The following MIR17HG variants were observed in gnomAD, a reference collection of about 807,000 sequenced individuals.
MIR17HG encodes miR-17-92a-1 cluster host gene.
intron 1 of MIR17HG, among the ~76,000 whole-genome samples, chr13:91,349,509 AC>A (rs1875176624): frequency 1.3e-5 from 2 of 152,164 alleles, no homozygotes; most frequent in South Asian, 4.1e-4. Flanking sequence ...TTATTCTCTT[AC>A]GTATTTTTCA....
intron 1 of MIR17HG, among the ~76,000 whole-genome samples, chr13:91,348,864 C>T (rs1217078425): frequency 6.7e-6 from 1 of 149,122 alleles, no homozygotes; most frequent in Non-Finnish European, 1.5e-5. Context: ...CGGCTTAGGC[C>T]TCGGGCCGCG....
At chr13:91,349,150 C>T (rs1330288692) in intron 1 of MIR17HG, among the ~76,000 whole-genome samples, 3 of 152,014 alleles carry the variant, frequency 2.0e-5, no homozygotes, top group Non-Finnish European at 4.4e-5. Context: ...GCTCCATGAG[C>T]GTGGCGGGCA....
chr13:91,348,485 G>T (rs1488978315), intron 1 of MIR17HG, among the ~76,000 whole-genome samples: 6 of 151,482 alleles, frequency 4.0e-5, no homozygotes, highest in African/African-American at 1.4e-4. Flanking sequence ...CTGCGCGCCA[G>T]CGGGCGGCGT....
intron 1 of MIR17HG, among the ~76,000 whole-genome samples, chr13:91,348,841 C>T (rs572568462): frequency 6.7e-5 from 10 of 149,602 alleles, no homozygotes; most frequent in African/African-American, 1.2e-4. Flanking sequence ...TGCGCGCCGC[C>T]GCCGATTGTT....
At chr13:91,350,488 A>G in intron 3 of MIR17HG, 1 of 479,062 alleles carries the variant, frequency 2.1e-6, no homozygotes, top group Non-Finnish European at 4.3e-6. Context: ...ATTAGGGATT[A>G]TGCTGAATTT....
At chr13:91,349,040 G>A (rs1348309645) in intron 1 of MIR17HG, among the ~76,000 whole-genome samples, 1 of 151,500 alleles carries the variant, frequency 6.6e-6, no homozygotes, top group Non-Finnish European at 1.5e-5. Context: ...GGGGGTTGCC[G>A]CGTCCGGCGG....
At chr13:91,350,625 C>A in intron 3 of MIR17HG, 1 of 534,636 alleles carries the variant, frequency 1.9e-6, no homozygotes, top group South Asian at 1.4e-5. Flanking sequence ...TGTCAAAGTG[C>A]TTACAGTGCA....
intron 3 of MIR17HG, among the ~76,000 whole-genome samples, chr13:91,352,864 T>A (rs113242099): frequency 1.3e-5 from 2 of 151,914 alleles, no homozygotes; most frequent in Non-Finnish European, 2.9e-5. Flanking sequence ...ATCCTAGCAC[T>A]TGGGGAGGCT....
chr13:91,348,786 C>T (rs1323345028), intron 1 of MIR17HG, among the ~76,000 whole-genome samples: 1 of 150,068 alleles, frequency 6.7e-6, no homozygotes. Context: ...CATGTTCCTG[C>T]GGGGCGGGCT....
intron 3 of MIR17HG, chr13:91,352,390 A>G (rs1875360724): frequency 6.6e-6 from 1 of 152,208 alleles, no homozygotes; most frequent in Non-Finnish European, 1.5e-5. Context: ...ATTGGGCCCA[A>G]GCTGAAGTAC....
intron 1 of MIR17HG, among the ~76,000 whole-genome samples, chr13:91,349,487 GATTTTTCAACTTTATTCTCTTACGT>G (rs919796108): frequency 2.6e-5 from 4 of 152,052 alleles, no homozygotes; most frequent in Non-Finnish European, 4.4e-5. Flanking sequence ...GATAGCTAAG[GATTTTTCAACTTTATTCTCTTACGT>G]ATTTTTCAAC....
At chr13:91,351,027 T>A in intron 3 of MIR17HG, 1 of 527,996 alleles carries the variant, frequency 1.9e-6, no homozygotes, top group Non-Finnish European at 3.9e-6. Context: ...ATTGTGTCGA[T>A]GTAGAATCTG....
At chr13:91,350,258 C>G (rs7985839) in intron 3 of MIR17HG, 1 of 205,150 alleles carries the variant, frequency 4.9e-6, no homozygotes, top group Admixed American at 5.3e-5. Context: ...TTTAAATGTT[C>G]CAAAATTAGT....
chr13:91,351,950 A>T (rs765426378), intron 3 of MIR17HG: 7 of 153,770 alleles, frequency 4.6e-5, no homozygotes, highest in Non-Finnish European at 8.7e-5. Flanking sequence ...TCTGATTGTC[A>T]GTGATTTATA....
At chr13:91,350,455 A>G in intron 3 of MIR17HG, 1 of 388,156 alleles carries the variant, frequency 2.6e-6, no homozygotes, top group Non-Finnish European at 5.2e-6. Flanking sequence ...CTTTGAGATA[A>G]TTAAACTAAT....
At chr13:91,351,019 T>C (rs756553579) in intron 3 of MIR17HG, 28 of 528,636 alleles carry the variant, frequency 5.3e-5, no homozygotes, top group South Asian at 3.7e-4. Flanking sequence ...GTACTTTTAT[T>C]GTGTCGATGT....
At chr13:91,349,184 C>T (rs934560324) in intron 1 of MIR17HG, among the ~76,000 whole-genome samples, 1 of 152,098 alleles carries the variant, frequency 6.6e-6, no homozygotes, top group Non-Finnish European at 1.5e-5. Context: ...GGTGTTCCTG[C>T]CCGGTCTTCT....
At position 91,351,753 on chromosome 13, in the gene MIR17HG, A is replaced by T. The variant is rs541897574; in HGVS notation, n.284+1527A>T. 27 of 195,146 alleles carry T rather than the reference A, an allele frequency of 1.4e-4. No individual in the cohort carries two copies. In the South Asian group the frequency reaches 2.5e-3, roughly 18 times the overall value. 12.1% of individuals were successfully genotyped at this position (195,146 alleles called of 1,614,324 possible). On this transcript the variant is annotated intron_variant and non_coding_transcript_variant, in intron 3 of 3. Coordinates refer to ENST00000400282, the Ensembl canonical transcript of MIR17HG. Reference sequence around the variant, plus strand: ...ATCTAAAAGTTAATTTATGTTGCTCATATATTACTCAAGTATTTAAATTTA... The same window carrying T: ...ATCTAAAAGTTAATTTATGTTGCTCTTATATTACTCAAGTATTTAAATTTA...
At chr13:91,350,673 G>C (rs1223935699) in intron 3 of MIR17HG, 3 of 534,494 alleles carry the variant, frequency 5.6e-6, no homozygotes, top group Non-Finnish European at 1.2e-5. Flanking sequence ...GAAGGCACTT[G>C]TAGCATTATG....
Sources: gnomAD v4.1 joint callset for allele counts (sites outside exome capture counted in the v4.1 genomes callset) on GRCh38, gnomAD v4.1.1 for gene constraint, MANE v1.5 for transcripts, NCBI Gene and HGNC (gene_info 2026-07-23, HGNC 2026-07-21) for gene names.